Variants in TEX35 observed in about 807,000 individuals in gnomAD.
The protein encoded by TEX35 is testis expressed 35.
TEX35 carries 26 observed loss-of-function variants against 31.9 expected under a neutral mutation model. That is an observed-to-expected ratio of 0.81 (90% CI 0.60 to 1.13). The LOEUF (loss-of-function observed/expected upper bound fraction) is 1.13, where lower values mean the gene tolerates loss of function less well. Ranked by LOEUF, TEX35 falls within the 50% of genes most tolerant of loss-of-function variation. TEX35 has a pLI of 0.00. For missense variants in TEX35, 278 were observed against 273.5 expected, an observed-to-expected ratio of 1.02 and a Z score of -0.12; for synonymous variants, 87 against 90.7, an observed-to-expected ratio of 0.96 and a Z score of 0.23.
chr1:178,513,797 C>T (rs1649962047), intron 1 of TEX35, among the ~76,000 whole-genome samples: 1 of 152,234 alleles, frequency 6.6e-6, no homozygotes, highest in Non-Finnish European at 1.5e-5. Context: ...GGGCTGCCTG[C>T]CAAATAGGCA....
Position 178,514,779 on chromosome 1 carries a change from G to A in TEX35, c.159+11G>A, listed in dbSNP as rs1213270847. On this transcript the variant is annotated intron_variant, in intron 3 of 8. Coordinates refer to ENST00000319416, the MANE Select transcript of TEX35 (RefSeq NM_032126.5). ...ACACAGGACCTAAAGGTGAGTGCGT[G>A]AACTTGGAGGCATGTCTATATTCCA... 6.2e-7 allele frequency: 1 copy of A among 1,611,972 alleles called. No individual in the cohort carries two copies. Among genetic ancestry groups the A allele is most frequent in the South Asian group, 1.1e-5 (1 of 90,584 alleles).
intron 5 of TEX35, among the ~76,000 whole-genome samples, chr1:178,518,238 TAA>T (rs1470042647): frequency 7.1e-6 from 1 of 141,462 alleles, no homozygotes; most frequent in Non-Finnish European, 1.5e-5. Flanking sequence ...AATTACAGTA[TAA>T]GACATATAAA....
At chr1:178,514,800 T>C (rs1437611442) in intron 3 of TEX35, 32 bp downstream of exon 3, 1 of 1,595,608 alleles carries the variant, frequency 6.3e-7, no homozygotes, top group East Asian at 2.2e-5. Context: ...CATGTCTATA[T>C]TCCAAACCAC....
At chr1:178,515,699 A>G (rs10798611) in intron 3 of TEX35, among the ~76,000 whole-genome samples, 160 bp from the exon 4 acceptor site, 88,565 of 152,012 alleles carry the variant, frequency 0.58, 26,573 homozygotes, top group African/African-American at 0.73. Flanking sequence ...GAGCCAGTGC[A>G]CCTGGTCTAT....
rs758461902 is a variant in TEX35 at position 178,522,392 on chromosome 1, T to C, written c.654T>C (p.Ser218=). 1.5e-5 allele frequency: 24 copies of C among 1,606,106 alleles called. No individual in the cohort carries two copies. The South Asian group carries it at 2.7e-4, about 18-fold the overall frequency. ...AGGAGCCAGTGACCACCCAACCTTC[T>C]GTGGGCCACGCTGTGCCTGCCCCAA... ...GGEEPVTTQP[S]VGHAVPAPKS... The change falls in exon 9 of 9, where the codon TCT becomes TCC. Residue 218 remains serine, a synonymous_variant. Transcript: ENST00000319416.
At chr1:178,522,269 G>A in intron 8 of TEX35, 56 bp from the exon 9 acceptor site, 4 of 1,518,502 alleles carry the variant, frequency 2.6e-6, no homozygotes, top group Non-Finnish European at 3.5e-6. Context: ...TGGGTTCTGG[G>A]GATCCACCCT....
chr1:178,516,517 C>T, intron 4 of TEX35, 98 bp from the exon 5 acceptor site: 8 of 997,368 alleles, frequency 8.0e-6, no homozygotes, highest in Non-Finnish European at 1.3e-5. Context: ...GCCAGAGAAG[C>T]AGCCACTGCC....
At position 178,521,575 on chromosome 1, in the gene TEX35, A is replaced by G. The variant is rs745565477; in HGVS notation, c.586+311A>G. The G allele has an allele frequency of 4.0e-6, 6 of 1,509,028 alleles. No individual in the cohort carries two copies. In the East Asian group the frequency reaches 9.8e-5, roughly 25 times the overall value. 93.5% of individuals were successfully genotyped at this position (1,509,028 alleles called of 1,614,324 possible). A position where few individuals can be genotyped will look rare whatever the true frequency, so the allele number is the denominator to read the frequency against. On this transcript the variant is annotated intron_variant, in intron 8 of 8. Coordinates refer to ENST00000319416, the MANE Select transcript of TEX35 (RefSeq NM_032126.5). ...CCATCCAGTGGGAAATATTCACACC[A>G]GGTCTGGGCACCCTTTTCACCCTTG...
chr1:178,513,931 G>GGGGGGCA, intron 1 of TEX35, 96 bp from the exon 2 acceptor site: 1 of 1,437,594 alleles, frequency 7.0e-7, no homozygotes, highest in South Asian at 1.3e-5. Flanking sequence ...GCATGGTTGT[G>GGGGGGCA]GGGGGCAGGG....
intron 4 of TEX35, among the ~76,000 whole-genome samples, chr1:178,516,414 T>G (rs555169034): frequency 6.6e-6 from 1 of 152,262 alleles, no homozygotes; most frequent in Non-Finnish European, 1.5e-5. Flanking sequence ...GTGCCAAGGC[T>G]GATGGTGGTG....
intron 2 of TEX35, 77 bp from the exon 3 acceptor site, chr1:178,514,623 G>A: frequency 7.1e-7 from 1 of 1,415,084 alleles, no homozygotes; most frequent in Non-Finnish European, 9.9e-7. Context: ...AGAAACACAG[G>A]GGGATCTCTT....
In TEX35 at chr1:178,522,609, A is replaced by G. The variant is rs1572179172; in HGVS notation, c.*169A>G. The stretch of plus-strand genomic sequence containing the variant: ...TCCTCCTTGTTTCATCTCTTTGCTA[A>G]GCTGGCTGCTTCTACCATCTAATAA... On this transcript the variant is annotated 3_prime_UTR_variant, in exon 9 of 9. Transcript: ENST00000319416. The G allele has an allele frequency of 5.3e-6, 7 of 1,308,986 alleles. No individual in the cohort carries two copies. In the East Asian group the frequency reaches 2.0e-4, roughly 36 times the overall value. The allele number at this position is 1,308,986 out of a possible 1,614,324, so 81.1% of individuals were successfully genotyped here.
intron 8 of TEX35, chr1:178,521,931 G>C: frequency 8.1e-7 from 1 of 1,238,406 alleles, no homozygotes; most frequent in Non-Finnish European, 1.1e-6. Flanking sequence ...TGATGGATTG[G>C]TGGGAAATTA....
intron 8 of TEX35, chr1:178,521,549 C>A: frequency 1.4e-6 from 2 of 1,411,454 alleles, no homozygotes; most frequent in Non-Finnish European, 2.0e-6. Context: ...GCCCTTTCTC[C>A]CCATCCAGTG....
Position 178,521,284 on chromosome 1 carries a change from A to G in TEX35, c.586+20A>G, listed in dbSNP as rs1400953095. On this transcript the variant is annotated intron_variant, in intron 8 of 8. Transcript: ENST00000319416. The stretch of plus-strand genomic sequence containing the variant: ...ATCGGGGTAGGTAGATTCATACAAG[A>G]TGTGCCTTTTCTCGATCAGGTGCCT... The G allele has an allele frequency of 9.9e-6, 16 of 1,613,980 alleles. No homozygotes were observed. Among genetic ancestry groups the G allele is most frequent in the Non-Finnish European group, 1.4e-5 (16 of 1,179,970 alleles).
At chr1:178,518,802 G>A (rs1469210448) in intron 5 of TEX35, among the ~76,000 whole-genome samples, 1 of 152,200 alleles carries the variant, frequency 6.6e-6, no homozygotes, top group African/African-American at 2.4e-5. Context: ...TGTTGGTGGG[G>A]AGGCTGGGTA....
intron 1 of TEX35, among the ~76,000 whole-genome samples, chr1:178,513,514 G>A (rs1649950797): frequency 6.6e-6 from 1 of 152,380 alleles, no homozygotes; most frequent in African/African-American, 2.4e-5. Flanking sequence ...CCCATGCCAG[G>A]CCTGCCAGGC....
intron 3 of TEX35, among the ~76,000 whole-genome samples, chr1:178,515,542 A>G (rs1178285325): frequency 6.6e-6 from 1 of 151,944 alleles, no homozygotes; most frequent in African/African-American, 2.4e-5. Flanking sequence ...AGGTCCCACT[A>G]TCTTATAGTC....
rs751728423 is a variant in TEX35 at position 178,514,773 on chromosome 1, G to A, written c.159+5G>A. On this transcript the variant is annotated splice_donor_5th_base_variant and intron_variant, in intron 3 of 8. Coordinates refer to ENST00000319416, the MANE Select transcript of TEX35 (RefSeq NM_032126.5). Reference sequence around the variant, plus strand: ...GGAGTGACACAGGACCTAAAGGTGAGTGCGTGAACTTGGAGGCATGTCTAT... The same window carrying A: ...GGAGTGACACAGGACCTAAAGGTGAATGCGTGAACTTGGAGGCATGTCTAT... The A allele has an allele frequency of 5.0e-6, 8 of 1,613,102 alleles. No homozygotes were observed. The highest frequency in any genetic ancestry group is 3.3e-4 in the Middle Eastern group (2 of 6,062).
Sources: allele counts gnomAD v4.1 joint callset (sites outside exome capture counted in the v4.1 genomes callset), GRCh38; gene constraint gnomAD v4.1.1; transcripts MANE v1.5; gene names NCBI Gene and HGNC (gene_info 2026-07-23, HGNC 2026-07-21).